SASH1: variants seen among roughly 807,000 people sequenced by gnomAD.
The protein encoded by SASH1 is SAM and SH3 domain-containing protein 1.
Under a neutral mutation model 125.2 loss-of-function variants are expected in SASH1, and 44 were observed. The ratio of observed to expected loss-of-function variants is 0.35; its 90% CI spans 0.28 to 0.45. SASH1 has a LOEUF of 0.45. Among genes scored for constraint, SASH1 ranks in the 20% least tolerant of loss-of-function variants. The pLI is 1.00. For missense variants in SASH1, 1,426 were observed against 1,614.5 expected, an observed-to-expected ratio of 0.88 and a Z score of 2.00; for synonymous variants, 639 against 649.1, an observed-to-expected ratio of 0.98 and a Z score of 0.24.
chr6:148,209,791 T>C, the SASH1 span, among the ~76,000 whole-genome samples: 1 of 152,214 alleles, frequency 6.6e-6, no homozygotes, highest in Non-Finnish European at 1.5e-5. Context: ...TAACTTCAGC[T>C]TCTTTTCCTC....
chr6:148,209,789 G>GC, the SASH1 span, among the ~76,000 whole-genome samples: 1 of 152,090 alleles, frequency 6.6e-6, no homozygotes, highest in Admixed American at 6.5e-5. Context: ...TCTAACTTCA[G>GC]CTTCTTTTCC....
At chr6:148,374,707 G>GGT (rs1554246578) in intron 1 of SASH1, among the ~76,000 whole-genome samples, 4 of 150,854 alleles carry the variant, frequency 2.7e-5, no homozygotes, top group African/African-American at 9.8e-5. Context: ...TTTTTTTTGG[G>GGT]GGGGGGGGAG....
rs1008518441 is a variant in SASH1, at chr6:148,495,252, T to C, written c.729+7537T>C. 3.3e-5 allele frequency among the ~76,000 whole-genome samples: 5 copies of C among 152,208 alleles called. No individual in the cohort carries two copies. Among genetic ancestry groups the C allele is most frequent in the Non-Finnish European group, 7.3e-5 (5 of 68,034 alleles). ...GAAAAGGTTAACAGTGTAATCCCTT[T>C]TTATAGAATATGGCGGAAGAACAGT... On this transcript the variant is annotated intron_variant, in intron 8 of 19. Coordinates refer to ENST00000367467, the MANE Select transcript of SASH1 (RefSeq NM_015278.5). The surrounding 1 kb of genome is among the most constrained non-coding windows in gnomAD (Gnocchi z 4.0).
upstream of SASH1, among the ~76,000 whole-genome samples, chr6:148,269,519 TG>T (rs1177506585): frequency 2.0e-5 from 3 of 152,234 alleles, no homozygotes; most frequent in Admixed American, 2.0e-4. Flanking sequence ...CGCAAAGTGC[TG>T]GGATTATAGG....
chr6:148,280,943 T>G (rs1185517539), intron 1 of SASH1, among the ~76,000 whole-genome samples: 3 of 151,900 alleles, frequency 2.0e-5, no homozygotes, highest in Non-Finnish European at 4.4e-5. Context: ...TGTTTTGTTT[T>G]GTTTTGTTGT....
Position 148,544,973 on chromosome 6 carries a change from A to G in SASH1, c.3348+155A>G, listed in dbSNP as rs1344189237. Among the ~76,000 whole-genome samples the G allele has an allele frequency of 6.6e-6, 1 of 152,128 alleles. No homozygotes were observed. The highest frequency in any genetic ancestry group is 1.5e-5 in the Non-Finnish European group (1 of 68,026). ...CGTGTCCACACCTTACTTGACATGC[A>G]TGTGTTCAGATATTGACACCACCCC... On this transcript the variant is annotated intron_variant, in intron 18 of 19. Transcript: ENST00000367467. The surrounding 1 kb of genome is among the most constrained non-coding windows in gnomAD (Gnocchi z 6.4).
chr6:148,209,818 T>C, the SASH1 span, among the ~76,000 whole-genome samples: 2 of 152,198 alleles, frequency 1.3e-5, no homozygotes, highest in Admixed American at 1.3e-4. Flanking sequence ...CTTTCCCCTG[T>C]CTTACTAGGA....
chr6:148,387,604 CTTTCTTTCTTTCT>C (rs1783468763), intron 1 of SASH1, among the ~76,000 whole-genome samples: 1 of 15,758 alleles, frequency 6.3e-5, no homozygotes, highest in Non-Finnish European at 1.2e-4. Context: ...TTCTTTCTTT[CTTTCTTTCTTTCT>C]TTCTTTCTTT....
At chr6:148,382,139 T>C (rs1783165851) in intron 1 of SASH1, among the ~76,000 whole-genome samples, 1 of 152,172 alleles carries the variant, frequency 6.6e-6, no homozygotes. Context: ...TTTTTGACTC[T>C]GAAGGTTGGT....
the SASH1 span, among the ~76,000 whole-genome samples, chr6:148,238,615 TACACACACATACACAC>T: frequency 1.4e-5 from 1 of 69,144 alleles, no homozygotes; most frequent in Non-Finnish European, 2.5e-5. Flanking sequence ...GTATGTGTCA[TACACACACATACACAC>T]ACACACACAC....
intron 1 of SASH1, among the ~76,000 whole-genome samples, chr6:148,387,614 T>C (rs571342325): frequency 4.1e-5 from 1 of 24,416 alleles, no homozygotes; most frequent in Non-Finnish European, 8.0e-5. Context: ...CTTTCTTTCT[T>C]TCTTTCTTTC....
the SASH1 span, among the ~76,000 whole-genome samples, chr6:148,267,225 C>A: frequency 6.6e-6 from 1 of 152,114 alleles, no homozygotes; most frequent in Non-Finnish European, 1.5e-5. Flanking sequence ...AGATAACTGG[C>A]TATTGTTTCA....
intron 9 of SASH1, among the ~76,000 whole-genome samples, chr6:148,517,193 A>AAGAT (rs1780491418): frequency 6.6e-6 from 1 of 152,204 alleles, no homozygotes; most frequent in Non-Finnish European, 1.5e-5. Flanking sequence ...GTATTATGGA[A>AAGAT]AGATAGGTAG....
At chr6:148,428,794 A>C (rs1435042521) in intron 2 of SASH1, among the ~76,000 whole-genome samples, 1 of 152,180 alleles carries the variant, frequency 6.6e-6, no homozygotes, top group Non-Finnish European at 1.5e-5. Flanking sequence ...GGTTGCAGTT[A>C]GTGGAATAGA....
chr6:148,524,202 G>T (rs1780998402), intron 10 of SASH1, among the ~76,000 whole-genome samples: 1 of 134,652 alleles, frequency 7.4e-6, no homozygotes, highest in African/African-American at 2.7e-5. Context: ...TGAAAATAAT[G>T]GCAAAACTGC....
At chr6:148,395,155 G>T (rs1246292910) in intron 2 of SASH1, among the ~76,000 whole-genome samples, 1 of 152,226 alleles carries the variant, frequency 6.6e-6, no homozygotes, top group Non-Finnish European at 1.5e-5. Flanking sequence ...AATTTTGGGT[G>T]ATGGGTTGAA....
At chr6:148,236,676 G>A in the SASH1 span, among the ~76,000 whole-genome samples, 1 of 152,202 alleles carries the variant, frequency 6.6e-6, no homozygotes, top group Admixed American at 6.5e-5. Flanking sequence ...TAACAGTGTG[G>A]TCAGGAGACC....
At chr6:148,499,166 T>G (rs1451359068) in intron 8 of SASH1, among the ~76,000 whole-genome samples, 1 of 151,534 alleles carries the variant, frequency 6.6e-6, no homozygotes. Context: ...TAGTCAGTCA[T>G]GAGACAAATC....
chr6:148,511,056 A>G (rs1780090845), intron 8 of SASH1, among the ~76,000 whole-genome samples: 1 of 152,060 alleles, frequency 6.6e-6, no homozygotes, highest in Non-Finnish European at 1.5e-5. Flanking sequence ...GAAGTGGAAT[A>G]TACTTAAAAA....
Sources: allele counts gnomAD v4.1 joint callset (sites outside exome capture counted in the v4.1 genomes callset), GRCh38; gene constraint gnomAD v4.1.1; non-coding constraint Gnocchi (gnomAD v3.1); transcripts MANE v1.5; gene names NCBI Gene and HGNC (gene_info 2026-07-23, HGNC 2026-07-21).